The following CNTN5 variants were observed in gnomAD, a reference collection of about 807,000 sequenced individuals.
The protein encoded by CNTN5 is contactin-5.
In CNTN5, 77 loss-of-function variants were observed where a neutral mutation model predicts 129.1. The observed-to-expected ratio is 0.60, with a 90% CI of 0.50 to 0.72. The LOEUF (loss-of-function observed/expected upper bound fraction) is 0.72. CNTN5 is among the 30% of genes least tolerant of loss of function. CNTN5 has a pLI of 0.00. For synonymous variants in CNTN5, 509 were observed against 465.6 expected, an observed-to-expected ratio of 1.09 and a Z score of -1.20; for missense variants, 1,478 against 1,328.8, an observed-to-expected ratio of 1.11 and a Z score of -1.75.
intron 13 of CNTN5, among the ~76,000 whole-genome samples, chr11:100,090,408 TTTC>T (rs1944711445): frequency 6.6e-6 from 1 of 151,758 alleles, no homozygotes; most frequent in Non-Finnish European, 1.5e-5. Flanking sequence ...CCTCTTTCTT[TTTC>T]TTTTCTTTTC....
intron 1 of CNTN5, among the ~76,000 whole-genome samples, chr11:99,186,059 C>A (rs1858338495): frequency 6.6e-6 from 1 of 151,730 alleles, no homozygotes; most frequent in Admixed American, 6.6e-5. Context: ...AACCATGTTA[C>A]ATATTCTTTT....
chr11:99,229,541 A>AAAAAAAAC (rs113130533), intron 1 of CNTN5, among the ~76,000 whole-genome samples: 1 of 143,620 alleles, frequency 7.0e-6, no homozygotes. Context: ...AAAAAAAAAA[A>AAAAAAAAC]AGGACACAGC....
rs181990120 is a variant in CNTN5, at chr11:99,639,228, G to A, written c.55+82959G>A. Among the ~76,000 whole-genome samples, 567 of 152,280 alleles carry A rather than the reference G, an allele frequency of 3.7e-3. 3 individuals are homozygous for A. Among genetic ancestry groups the A allele is most frequent in the African/African-American group, 0.013 (520 of 41,562 alleles). Reference sequence around the variant, plus strand: ...TTTCAGCCACACCTGGAGTGGCTGGGACACAGAGCACCAAGTCCCTTGGCT... The same window carrying A: ...TTTCAGCCACACCTGGAGTGGCTGGAACACAGAGCACCAAGTCCCTTGGCT... On this transcript the variant is annotated intron_variant, in intron 3 of 24. Transcript: ENST00000524871.
intron 20 of CNTN5, among the ~76,000 whole-genome samples, chr11:100,304,551 G>A (rs1951303078): frequency 6.6e-6 from 1 of 151,588 alleles, no homozygotes; most frequent in Non-Finnish European, 1.5e-5. Context: ...GTGATGACGG[G>A]GGTCTAGATG....
intron 13 of CNTN5, among the ~76,000 whole-genome samples, chr11:100,150,555 A>ATTTTAGTTATTTTTTGTGCCTT (rs1428108125): frequency 6.6e-6 from 1 of 151,868 alleles, no homozygotes; most frequent in Admixed American, 6.6e-5. Context: ...AAACTCTATA[A>ATTTTAGTTATTTTTTGTGCCTT]TTTTAGTTAT....
chr11:100,182,919 A>C (rs1218243283), intron 13 of CNTN5, among the ~76,000 whole-genome samples: 1 of 152,002 alleles, frequency 6.6e-6, no homozygotes, highest in Non-Finnish European at 1.5e-5. Context: ...AAAAAACTCT[A>C]AATCTTGAAA....
chr11:99,266,452 G>A (rs1362711844), intron 1 of CNTN5, among the ~76,000 whole-genome samples: 1 of 151,946 alleles, frequency 6.6e-6, no homozygotes, highest in South Asian at 2.1e-4. Flanking sequence ...TTTTTTAAAA[G>A]TTATCCAGGC....
At chr11:99,073,054 A>G (rs1457389843) in intron 1 of CNTN5, among the ~76,000 whole-genome samples, 2 of 152,162 alleles carry the variant, frequency 1.3e-5, no homozygotes, top group African/African-American at 2.4e-5. Flanking sequence ...TTGTTGTGAC[A>G]TATTCGCTCC....
chr11:99,414,318 T>C (rs924886079), intron 2 of CNTN5, among the ~76,000 whole-genome samples: 2 of 152,160 alleles, frequency 1.3e-5, no homozygotes, highest in African/African-American at 4.8e-5. Context: ...GGTGATGCTC[T>C]TTCTCTGCCC....
At chr11:99,931,279 T>C (rs991860335) in intron 7 of CNTN5, among the ~76,000 whole-genome samples, 3 of 152,242 alleles carry the variant, frequency 2.0e-5, no homozygotes, top group Non-Finnish European at 4.4e-5. Flanking sequence ...AAACTCAATG[T>C]GTTTCAGAGT....
intron 1 of CNTN5, among the ~76,000 whole-genome samples, chr11:99,314,236 GC>G (rs1311788971): frequency 1.3e-5 from 2 of 151,924 alleles, no homozygotes; most frequent in African/African-American, 4.8e-5. Context: ...TACATTGCTA[GC>G]CCAAGTAGGA....
chr11:99,968,732 C>A (rs1401977079), intron 8 of CNTN5, among the ~76,000 whole-genome samples: 2 of 118,150 alleles, frequency 1.7e-5, no homozygotes. Flanking sequence ...AATATTCTAT[C>A]CTAAATCCAG....
At chr11:99,583,415 C>A (rs1010186635) in intron 3 of CNTN5, among the ~76,000 whole-genome samples, 2 of 152,180 alleles carry the variant, frequency 1.3e-5, no homozygotes, top group Non-Finnish European at 2.9e-5. Flanking sequence ...TGTGCCCTAC[C>A]CCCAGAGGTG....
At chr11:99,037,409 G>T (rs1003594868) in intron 1 of CNTN5, among the ~76,000 whole-genome samples, 6 of 151,934 alleles carry the variant, frequency 3.9e-5, no homozygotes, top group Non-Finnish European at 8.8e-5. Context: ...CTGTCCTTCA[G>T]CAACTCTTTT....
intron 3 of CNTN5, among the ~76,000 whole-genome samples, chr11:99,764,427 G>A (rs1944685829): frequency 6.6e-6 from 1 of 151,612 alleles, no homozygotes; most frequent in Admixed American, 6.6e-5. Context: ...TTTGTTTTTT[G>A]TTTTTGAGAT....
At chr11:99,773,108 T>C (rs1487242564) in intron 3 of CNTN5, among the ~76,000 whole-genome samples, 2 of 152,184 alleles carry the variant, frequency 1.3e-5, no homozygotes, top group East Asian at 3.9e-4. Context: ...AAAGACCCTC[T>C]TGTGCTTCTG....
intron 2 of CNTN5, among the ~76,000 whole-genome samples, chr11:99,508,981 G>A (rs1056834985): frequency 3.3e-5 from 5 of 151,874 alleles, no homozygotes; most frequent in Admixed American, 3.3e-4. Context: ...ATGCCCGGCC[G>A]CCAAGATAAA....
chr11:99,328,882 A>G (rs982857878), intron 2 of CNTN5, among the ~76,000 whole-genome samples: 1 of 143,712 alleles, frequency 7.0e-6, no homozygotes, highest in African/African-American at 2.7e-5. Flanking sequence ...AAAAAAAAAA[A>G]AAAAAAGAAA....
intron 2 of CNTN5, among the ~76,000 whole-genome samples, chr11:99,542,131 T>G (rs1948138793): frequency 6.6e-6 from 1 of 152,172 alleles, no homozygotes; most frequent in South Asian, 2.1e-4. Flanking sequence ...TAATGATTAA[T>G]GCAGGGTAAT....
Sources: allele counts gnomAD v4.1 joint callset (sites outside exome capture counted in the v4.1 genomes callset), GRCh38; gene constraint gnomAD v4.1.1; transcripts MANE v1.5; gene names NCBI Gene and HGNC (gene_info 2026-07-23, HGNC 2026-07-21).